The following TAS1R1 variants were observed in gnomAD, a reference collection of about 807,000 sequenced individuals.
TAS1R1 encodes the protein taste receptor type 1 member 1.
TAS1R1 carries 31 observed loss-of-function variants against 45.8 expected under a neutral mutation model. The ratio of observed to expected loss-of-function variants is 0.68; its 90% CI spans 0.51 to 0.91. TAS1R1 has a LOEUF of 0.91. Ranked by LOEUF, TAS1R1 falls within the 40% of genes least tolerant of loss-of-function variation. TAS1R1 has a pLI of 0.00. For missense variants in TAS1R1, 1,051 were observed against 1,063.9 expected (o/e 0.99, Z 0.17); for synonymous variants, 437 against 448.4 (o/e 0.97, Z 0.32).
intron 1 of TAS1R1, among the ~76,000 whole-genome samples, chr1:6,559,250 G>A (rs910248072): frequency 1.3e-5 from 2 of 150,906 alleles, no homozygotes; most frequent in South Asian, 2.1e-4. Context: ...GGCTGCTCTC[G>A]AACTTCTGGC....
At chr1:6,558,912 G>GTACTAGGATTACAGGCGTGA (rs1176185867) in intron 1 of TAS1R1, among the ~76,000 whole-genome samples, 5 of 144,378 alleles carry the variant, frequency 3.5e-5, no homozygotes, top group Non-Finnish European at 4.5e-5. Flanking sequence ...TTTTTTTTGA[G>GTACTAGGATTACAGGCGTGA]ATGGAGTCTC....
intron 1 of TAS1R1, among the ~76,000 whole-genome samples, chr1:6,569,852 C>T (rs1217700034): frequency 2.0e-5 from 3 of 152,084 alleles, no homozygotes; most frequent in East Asian, 1.9e-4. Flanking sequence ...CTCTTTTACT[C>T]ACCCTCGCAG....
chr1:6,558,211 A>C (rs1043441707), intron 1 of TAS1R1, among the ~76,000 whole-genome samples: 7 of 151,588 alleles, frequency 4.6e-5, no homozygotes, highest in African/African-American at 1.7e-4. Flanking sequence ...TAATTTTTTA[A>C]ATTTTTTATA....
At chr1:6,560,227 G>T (rs1639757999) in intron 1 of TAS1R1, among the ~76,000 whole-genome samples, 1 of 152,060 alleles carries the variant, frequency 6.6e-6, no homozygotes, top group Non-Finnish European at 1.5e-5. Context: ...AACCCAGGAG[G>T]CAGAGGTTGC....
At chr1:6,555,602 C>T in intron 1 of TAS1R1, 38 bp downstream of exon 1, 1 of 1,522,638 alleles carries the variant, frequency 6.6e-7, no homozygotes, top group South Asian at 1.2e-5. Context: ...TTAGTGGGAC[C>T]CCTGGCTATA....
chr1:6,561,627 A>G (rs1266796058), intron 1 of TAS1R1, among the ~76,000 whole-genome samples: 1 of 152,082 alleles, frequency 6.6e-6, no homozygotes, highest in Non-Finnish European at 1.5e-5. Flanking sequence ...AGGCAGGAGA[A>G]TAGCCTGAAT....
In TAS1R1 at chr1:6,574,016, G is replaced by C. The variant is rs1640091433; in HGVS notation, c.499-615G>C. On this transcript the variant is annotated intron_variant, in intron 2 of 5. Transcript: ENST00000333172. This position sits in a 1 kb window ranked among gnomAD's most constrained non-coding sequence, Gnocchi z 4.3. ...TACAACTCACCATAATGTAGAATCAGTGGGAGCCCTGAGCTTGTTTTCCTA... is the reference window on the plus strand; with the variant it reads ...TACAACTCACCATAATGTAGAATCACTGGGAGCCCTGAGCTTGTTTTCCTA... Among the ~76,000 whole-genome samples, 1 of 152,168 alleles carries C rather than the reference G, an allele frequency of 6.6e-6. No homozygotes were observed. Among genetic ancestry groups the C allele is most frequent in the African/African-American group, 2.4e-5 (1 of 41,422 alleles).
intron 1 of TAS1R1, among the ~76,000 whole-genome samples, chr1:6,569,213 G>A (rs981651569): frequency 2.6e-5 from 4 of 152,062 alleles, no homozygotes; most frequent in Admixed American, 1.3e-4. Context: ...GAAAATTGGC[G>A]AGGTTAAAAG....
At chr1:6,576,862 C>T (rs1640193579) in intron 4 of TAS1R1, 88 bp from the exon 5 acceptor site, 1 of 1,595,748 alleles carries the variant, frequency 6.3e-7, no homozygotes, top group Admixed American at 1.7e-5. Context: ...GCCCTGAGGG[C>T]AGATGCACAG....
intron 1 of TAS1R1, among the ~76,000 whole-genome samples, chr1:6,562,649 G>A (rs1639809942): frequency 6.6e-6 from 1 of 152,198 alleles, no homozygotes; most frequent in Non-Finnish European, 1.5e-5. Flanking sequence ...AGGGGTGTTA[G>A]CTGTACGGCT....
chr1:6,564,604 T>G (rs4908564), intron 1 of TAS1R1, among the ~76,000 whole-genome samples: 144,930 of 152,092 alleles, frequency 0.95, 69,392 homozygotes, highest in East Asian at 1. Context: ...GATGACTGGG[T>G]TCAGTATGGG....
chr1:6,577,121 C>T (rs369276368), intron 5 of TAS1R1, 51 bp downstream of exon 5: 37 of 1,608,870 alleles, frequency 2.3e-5, no homozygotes, highest in Middle Eastern at 3.4e-4. Flanking sequence ...GGGGGCTGCA[C>T]GGTGGAGGGA....
chr1:6,576,295 G>C, intron 3 of TAS1R1, 120 bp from the exon 4 acceptor site: 1 of 901,124 alleles, frequency 1.1e-6, no homozygotes, highest in Non-Finnish European at 1.8e-6. Context: ...GAAGGGACGA[G>C]ACCTTCCTGA....
At chr1:6,558,706 G>A (rs925078978) in intron 1 of TAS1R1, among the ~76,000 whole-genome samples, 1 of 149,982 alleles carries the variant, frequency 6.7e-6, no homozygotes, top group Non-Finnish European at 1.5e-5. Context: ...AGTCTCCAGC[G>A]AGACTCAGTC....
intron 1 of TAS1R1, among the ~76,000 whole-genome samples, chr1:6,557,186 A>G (rs1570101279): frequency 6.6e-6 from 1 of 151,464 alleles, no homozygotes; most frequent in Non-Finnish European, 1.5e-5. Flanking sequence ...ACCTACTCGA[A>G]GGGCTACAGC....
At chr1:6,572,382 C>T (rs1464885243) in intron 2 of TAS1R1, among the ~76,000 whole-genome samples, 1 of 150,916 alleles carries the variant, frequency 6.6e-6, no homozygotes, top group Non-Finnish European at 1.5e-5. Context: ...ACCTCATACT[C>T]CTAAGTAGCT....
intron 1 of TAS1R1, among the ~76,000 whole-genome samples, chr1:6,568,402 C>T (rs1241308828): frequency 2.0e-5 from 3 of 151,402 alleles, no homozygotes; most frequent in Non-Finnish European, 4.4e-5. Flanking sequence ...TTGCAGTGAG[C>T]CGAGATTGCG....
At chr1:6,577,385 A>G (rs531033684) in intron 5 of TAS1R1, among the ~76,000 whole-genome samples, 8 of 151,508 alleles carry the variant, frequency 5.3e-5, no homozygotes, top group Middle Eastern at 3.5e-3. Flanking sequence ...AATATAAAAA[A>G]TTAGCTGGGT....
At chr1:6,561,063 C>T (rs1041356819) in intron 1 of TAS1R1, among the ~76,000 whole-genome samples, 26 of 151,086 alleles carry the variant, frequency 1.7e-4, no homozygotes, top group Non-Finnish European at 3.8e-4. Context: ...CTTGAAGTAG[C>T]ATCATGTCTT....
Sources: gnomAD v4.1 joint callset for allele counts (sites outside exome capture counted in the v4.1 genomes callset) on GRCh38, gnomAD v4.1.1 for gene constraint, Gnocchi (gnomAD v3.1) non-coding constraint, MANE v1.5 for transcripts, NCBI Gene and HGNC (gene_info 2026-07-23, HGNC 2026-07-21) for gene names.